ABI3BP: variants seen among roughly 807,000 people sequenced by gnomAD.
ABI3BP encodes ABI family member 3 binding protein.
A neutral mutation model predicts 268.6 loss-of-function variants in ABI3BP; 216 were observed. That is an observed-to-expected ratio of 0.80 (90% CI 0.72 to 0.90). The LOEUF (loss-of-function observed/expected upper bound fraction) is 0.90. Ranked by LOEUF, ABI3BP falls within the 40% of genes least tolerant of loss-of-function variation. ABI3BP has a pLI of 0.00. For synonymous variants in ABI3BP, 730 were observed against 730.0 expected (o/e 1.00, Z 0.00); for missense variants, 2,090 against 2,182.4 (o/e 0.96, Z 0.84).
chr3:100,783,327 A>G (rs2096924516), intron 57 of ABI3BP, among the ~76,000 whole-genome samples: 1 of 152,212 alleles, frequency 6.6e-6, no homozygotes, highest in Admixed American at 6.5e-5. Flanking sequence ...TGGGGGCAGT[A>G]AATTGTGGTT....
At chr3:100,950,873 G>A (rs1179685980) in intron 1 of ABI3BP, among the ~76,000 whole-genome samples, 1 of 151,690 alleles carries the variant, frequency 6.6e-6, no homozygotes, top group Non-Finnish European at 1.5e-5. Context: ...TCACAGTAAT[G>A]GGACAACCTG....
At chr3:100,865,388 T>C (rs777040987) in intron 10 of ABI3BP, among the ~76,000 whole-genome samples, 27 of 152,190 alleles carry the variant, frequency 1.8e-4, no homozygotes, top group Non-Finnish European at 3.5e-4. Flanking sequence ...AAGACTTCTC[T>C]CTTACACTGC....
At chr3:100,987,289 C>T (rs1339992140) in intron 1 of ABI3BP, among the ~76,000 whole-genome samples, 2 of 152,182 alleles carry the variant, frequency 1.3e-5, no homozygotes, top group South Asian at 2.1e-4. Flanking sequence ...TGTAAACTCA[C>T]ATTAGCCTAT....
intron 49 of ABI3BP, among the ~76,000 whole-genome samples, chr3:100,809,359 C>T (rs2097789618): frequency 6.6e-6 from 1 of 152,056 alleles, no homozygotes; most frequent in African/African-American, 2.4e-5. Context: ...AAGGTTCTAA[C>T]TGATATGCCA....
rs554154610 is a variant in ABI3BP at position 100,839,243 on chromosome 3, G to A, written c.1945+326C>T. ...GCACTGGAGTAAAATTTTGCCATTT[G>A]TTCAGTTCAGGATGAGCACAGAGGT... On this transcript the variant is annotated intron_variant, in intron 24 of 67. Transcript: ENST00000471714. Among the ~76,000 whole-genome samples the A allele has an allele frequency of 1.8e-3, 275 of 152,314 alleles. 1 individual carries two copies. The highest frequency in any genetic ancestry group is 6.4e-3 in the African/African-American group (265 of 41,568).
chr3:100,888,045 G>A (rs1443826803), intron 4 of ABI3BP, among the ~76,000 whole-genome samples: 2 of 151,992 alleles, frequency 1.3e-5, no homozygotes, highest in Non-Finnish European at 2.9e-5. Context: ...TAAATAGAGA[G>A]AGAGATGAGA....
rs1242445025 is a variant in ABI3BP, at chr3:100,838,360, G to C, written c.2008+42C>G. The C allele has an allele frequency of 5.2e-6, 8 of 1,527,718 alleles. No homozygotes were observed. In the South Asian group the frequency reaches 9.5e-5, roughly 18 times the overall value. 94.6% of individuals were successfully genotyped at this position (1,527,718 alleles called of 1,614,324 possible). A position where few individuals can be genotyped will look rare whatever the true frequency, so the allele number is the denominator to read the frequency against. On this transcript the variant is annotated intron_variant, in intron 25 of 67. Coordinates refer to ENST00000471714, the MANE Select transcript of ABI3BP (RefSeq NM_001375547.2). ...TGGAGATTAATGTTACTTACACATT[G>C]TTTTCCTATTTATAGATCAAGGCAT... is the stretch of plus-strand genomic sequence containing the variant.
chr3:100,991,795 A>G (rs2092975070), intron 1 of ABI3BP, among the ~76,000 whole-genome samples: 1 of 152,084 alleles, frequency 6.6e-6, no homozygotes, highest in Middle Eastern at 3.2e-3. Flanking sequence ...CTTTCCCATT[A>G]TAAATAAAGA....
chr3:100,789,271 T>G lies in ABI3BP; in HGVS notation c.4087+183A>C, dbSNP rs958491944. On this transcript the variant is annotated intron_variant, in intron 56 of 67. Transcript: ENST00000471714. ...CTGCATCTGATTATCCTCAAAATCC[T>G]TAGTCAAGTCTTGTCACATTTATGG... Among the ~76,000 whole-genome samples, 14 of 152,244 alleles carry G rather than the reference T, an allele frequency of 9.2e-5. No individual in the cohort carries two copies. In the East Asian group the frequency reaches 2.5e-3, roughly 27 times the overall value.
At chr3:100,934,112 C>G (rs985834661) in intron 1 of ABI3BP, among the ~76,000 whole-genome samples, 18 of 151,978 alleles carry the variant, frequency 1.2e-4, no homozygotes, top group African/African-American at 3.6e-4. Context: ...AGGTATTTCT[C>G]CTAATGCTAC....
chr3:100,940,243 G>C (rs954438935), intron 1 of ABI3BP, among the ~76,000 whole-genome samples: 14 of 151,980 alleles, frequency 9.2e-5, no homozygotes, highest in Non-Finnish European at 2.1e-4. Context: ...AAATCACAAG[G>C]GTACTGATTG....
At chr3:100,844,489 A>C (rs950807223) in intron 20 of ABI3BP, 1 of 982,284 alleles carries the variant, frequency 1.0e-6, no homozygotes, top group Non-Finnish European at 1.2e-6. Flanking sequence ...CTGTAAAGGA[A>C]AGTGAAACAG....
chr3:100,913,077 T>C (rs146083668), intron 2 of ABI3BP, among the ~76,000 whole-genome samples: 10 of 152,284 alleles, frequency 6.6e-5, no homozygotes, highest in African/African-American at 1.9e-4. Flanking sequence ...TCCTCACTTA[T>C]TGAAAGGCTA....
At chr3:100,808,364 G>A in intron 49 of ABI3BP, 129 bp from the exon 50 acceptor site, 1 of 589,458 alleles carries the variant, frequency 1.7e-6, no homozygotes, top group Non-Finnish European at 2.9e-6. Context: ...GGCTTCTAAA[G>A]ATCTGCAAAG....
intron 51 of ABI3BP, among the ~76,000 whole-genome samples, chr3:100,797,489 C>G (rs1023930117): frequency 1.3e-5 from 2 of 149,626 alleles, no homozygotes; most frequent in Non-Finnish European, 1.5e-5. Context: ...AATTTCCTTG[C>G]ATCTTATATA....
chr3:100,761,651 G>C (rs1276506342), intron 63 of ABI3BP, among the ~76,000 whole-genome samples: 1 of 152,126 alleles, frequency 6.6e-6, no homozygotes, highest in Non-Finnish European at 1.5e-5. Context: ...AGGAAAGGTA[G>C]GGGAATACTC....
chr3:100,966,162 A>T (rs572139121), intron 1 of ABI3BP, among the ~76,000 whole-genome samples: 95 of 152,326 alleles, frequency 6.2e-4, no homozygotes, highest in African/African-American at 2.2e-3. Flanking sequence ...TTGTTTCCAT[A>T]GTGCACAGCT....
intron 63 of ABI3BP, among the ~76,000 whole-genome samples, chr3:100,761,050 C>T (rs1372278691): frequency 6.6e-6 from 1 of 152,054 alleles, no homozygotes; most frequent in Non-Finnish European, 1.5e-5. Flanking sequence ...TTCAGTGGAC[C>T]CCAGTGTCTG....
intron 1 of ABI3BP, among the ~76,000 whole-genome samples, chr3:100,981,843 C>T (rs1405959223): frequency 6.6e-6 from 1 of 152,168 alleles, no homozygotes; most frequent in East Asian, 1.9e-4. Flanking sequence ...CTTTGACACC[C>T]AGAAAGGGTG....
Sources: allele counts gnomAD v4.1 joint callset (sites outside exome capture counted in the v4.1 genomes callset), GRCh38; gene constraint gnomAD v4.1.1; transcripts MANE v1.5; gene names NCBI Gene and HGNC (gene_info 2026-07-23, HGNC 2026-07-21).